Variants in DNAJB14 observed in about 807,000 individuals in gnomAD.
DNAJB14 encodes the protein DnaJ heat shock protein family (Hsp40) member B14, also known as dnaJ homolog subfamily B member 14.
In DNAJB14, 22 loss-of-function variants were observed where a neutral mutation model predicts 48.4. The ratio of observed to expected loss-of-function variants is 0.45; its 90% confidence interval spans 0.32 to 0.65. The LOEUF is 0.65. Among genes scored for constraint, DNAJB14 ranks in the 30% least tolerant of loss-of-function variants. The pLI, the probability that DNAJB14 is intolerant of heterozygous loss-of-function variation, is 0.03. For synonymous variants in DNAJB14, 142 were observed against 158.7 expected, an observed-to-expected ratio of 0.89 and a Z score of 0.79; for missense variants, 319 against 458.8, an observed-to-expected ratio of 0.70 and a Z score of 2.78.
At chr4:99,929,602 A>T (rs1726386557) in intron 2 of DNAJB14, 2 of 152,230 alleles carry the variant, frequency 1.3e-5, no homozygotes, top group African/African-American at 4.8e-5. Context: ...TAAAAAGTTG[A>T]GAATGGGGTA....
intron 5 of DNAJB14, chr4:99,905,985 C>A (rs956232332): frequency 1.9e-5 from 25 of 1,291,106 alleles, no homozygotes; most frequent in East Asian, 1.2e-4. Context: ...CTCCCTCCCC[C>A]CCACACACAG....
rs1725197137 is a variant in DNAJB14 at position 99,898,533 on chromosome 4, TC to T, written c.*2494del. On this transcript the variant is annotated 3_prime_UTR_variant, in exon 8 of 8. Coordinates refer to ENST00000442697, the MANE Select transcript of DNAJB14 (RefSeq NM_001031723.4). ...GAGGAGAAAGGTACTATTTTTCATTTCCCCCAAACCCTCACAAGGACAATAA... is the reference window on the plus strand; with the variant it reads ...GAGGAGAAAGGTACTATTTTTCATTTCCCCAAACCCTCACAAGGACAATAA... The T allele has an allele frequency of 6.6e-6, 1 of 151,812 alleles. No homozygotes were observed. 9.4% of individuals were successfully genotyped at this position (151,812 alleles called of 1,614,324 possible). A position where few individuals can be genotyped will look rare whatever the true frequency, so the allele number is the denominator to read the frequency against.
chr4:99,901,752 CA>C (rs1212087230), intron 7 of DNAJB14, among the ~76,000 whole-genome samples: 1 of 152,060 alleles, frequency 6.6e-6, no homozygotes, highest in Non-Finnish European at 1.5e-5. Context: ...ATACAGACTA[CA>C]AATCAAAATT....
intron 2 of DNAJB14, chr4:99,925,440 T>C (rs1250863675): frequency 1.3e-5 from 2 of 152,122 alleles, no homozygotes; most frequent in African/African-American, 4.8e-5. Context: ...ACATAAAGAA[T>C]TGTAGAATTT....
In DNAJB14 at chr4:99,896,461, G is replaced by A. The variant is rs1725150044; in HGVS notation, c.*4567C>T. On this transcript the variant is annotated 3_prime_UTR_variant, in exon 8 of 8. Coordinates refer to ENST00000442697, the MANE Select transcript of DNAJB14 (RefSeq NM_001031723.4). ...AATTTTTAATCCTGAATGCATTATAGACAAAGTAAGCTCTCCTTTACCAAT... is the reference window on the plus strand; with the variant it reads ...AATTTTTAATCCTGAATGCATTATAAACAAAGTAAGCTCTCCTTTACCAAT... 1 of 152,078 alleles carries A rather than the reference G, an allele frequency of 6.6e-6. No individual in the cohort carries two copies. The highest frequency in any genetic ancestry group is 2.4e-5 in the African/African-American group (1 of 41,420). The allele number at this position is 152,078 out of a possible 1,614,324, so 9.4% of individuals were successfully genotyped here.
At chr4:99,903,019 A>G (rs1227340711) in intron 7 of DNAJB14, among the ~76,000 whole-genome samples, 4 of 152,148 alleles carry the variant, frequency 2.6e-5, no homozygotes, top group Non-Finnish European at 4.4e-5. Context: ...CGTCAGCTAA[A>G]AATTTCAGAG....
intron 7 of DNAJB14, among the ~76,000 whole-genome samples, chr4:99,901,947 A>G (rs1725307925): frequency 1.3e-5 from 2 of 152,144 alleles, no homozygotes; most frequent in South Asian, 4.1e-4. Flanking sequence ...CACATTCAAG[A>G]TATACTCACA....
chr4:99,933,241 T>C (rs1018035401), intron 1 of DNAJB14, among the ~76,000 whole-genome samples: 7 of 150,734 alleles, frequency 4.6e-5, no homozygotes, highest in Admixed American at 4.0e-4. Flanking sequence ...TGTATATATA[T>C]ACACACACTC....
chr4:99,913,621 GTTT>G (rs372025043), intron 3 of DNAJB14, among the ~76,000 whole-genome samples: 1 of 107,618 alleles, frequency 9.3e-6, no homozygotes. Flanking sequence ...CTGGTCTGTA[GTTT>G]TTTTTTTTTT....
In DNAJB14 at chr4:99,899,500, C is replaced by T. The variant is rs1456114391; in HGVS notation, c.*1528G>A. ...AGTTTAACCTACTAATTCAATCAGG[C>T]ATTTCTATTGATTCACCTGGAAAAG... is the stretch of plus-strand genomic sequence containing the variant. On this transcript the variant is annotated 3_prime_UTR_variant, in exon 8 of 8. Transcript: ENST00000442697. 1.3e-5 allele frequency: 2 copies of T among 151,558 alleles called. No homozygotes were observed. Among genetic ancestry groups the T allele is most frequent in the Non-Finnish European group, 3.0e-5 (2 of 67,602 alleles). 9.4% of individuals were successfully genotyped at this position (151,558 alleles called of 1,614,324 possible). A position where few individuals can be genotyped will look rare whatever the true frequency, so the allele number is the denominator to read the frequency against.
intron 6 of DNAJB14, 24 bp downstream of exon 6, chr4:99,905,573 G>T (rs1170414614): frequency 6.4e-7 from 1 of 1,568,164 alleles, no homozygotes; most frequent in Admixed American, 1.7e-5. Flanking sequence ...TTCATTTTTT[G>T]TAAAACTTCA....
rs538149815 is a variant in DNAJB14, at chr4:99,900,933, G to C, written c.*95C>G. 1.5e-6 allele frequency: 2 copies of C among 1,359,994 alleles called. No individual in the cohort carries two copies. 84.2% of individuals were successfully genotyped at this position (1,359,994 alleles called of 1,614,324 possible). On this transcript the variant is annotated 3_prime_UTR_variant, in exon 8 of 8. Coordinates refer to ENST00000442697, the MANE Select transcript of DNAJB14 (RefSeq NM_001031723.4). ...AACCAACTATTCAGTTTAGTTTTCA[G>C]TATCAAATCTTTTCCTTCATCCCTC...
At chr4:99,916,406 A>G (rs534633625) in intron 3 of DNAJB14, among the ~76,000 whole-genome samples, 1 of 152,320 alleles carries the variant, frequency 6.6e-6, no homozygotes, top group East Asian at 1.9e-4. Flanking sequence ...CCAAAGTGCT[A>G]GGAATATATA....
In DNAJB14 at chr4:99,897,441, A is replaced by G. The variant is rs1725172470; in HGVS notation, c.*3587T>C. On this transcript the variant is annotated 3_prime_UTR_variant, in exon 8 of 8. Coordinates refer to ENST00000442697, the MANE Select transcript of DNAJB14 (RefSeq NM_001031723.4). Reference sequence around the variant, plus strand: ...ATTTATATGAAAGTATCTATTTAATAGTAATAAAACCAAAAAGGAAGCTGA... The same window carrying G: ...ATTTATATGAAAGTATCTATTTAATGGTAATAAAACCAAAAAGGAAGCTGA... The G allele has an allele frequency of 6.6e-6, 1 of 151,890 alleles. No individual in the cohort carries two copies. Among genetic ancestry groups the G allele is most frequent in the Non-Finnish European group, 1.5e-5 (1 of 67,834 alleles). The allele number at this position is 151,890 out of a possible 1,614,324, so 9.4% of individuals were successfully genotyped here. A position where few individuals can be genotyped will look rare whatever the true frequency, so the allele number is the denominator to read the frequency against.
At chr4:99,912,156 TG>T (rs767821088) in intron 3 of DNAJB14, among the ~76,000 whole-genome samples, 2 of 152,214 alleles carry the variant, frequency 1.3e-5, no homozygotes, top group Non-Finnish European at 2.9e-5. Context: ...GAACTGCTTT[TG>T]CATCTTTGTC....
chr4:99,935,889 G>A (rs576955681), intron 1 of DNAJB14, among the ~76,000 whole-genome samples: 2 of 152,176 alleles, frequency 1.3e-5, no homozygotes, highest in East Asian at 3.9e-4. Context: ...CCAACATGGT[G>A]AAACCTCGTC....
intron 6 of DNAJB14, among the ~76,000 whole-genome samples, chr4:99,904,287 T>C (rs999799079): frequency 6.6e-6 from 1 of 152,186 alleles, no homozygotes; most frequent in Non-Finnish European, 1.5e-5. Context: ...TGTTAAATAC[T>C]TATATGTGAA....
At position 99,943,517 on chromosome 4, in the gene DNAJB14, C is replaced by T. The variant is rs1453434899; in HGVS notation, c.133+2922G>A. ...TCACACTTGTAAAATGGGGATGACA[C>T]CAAAATTAATTGAGTGCTTACTGTT... On this transcript the variant is annotated intron_variant, in intron 1 of 7. Coordinates refer to ENST00000442697, the MANE Select transcript of DNAJB14 (RefSeq NM_001031723.4). 1.2e-4 allele frequency among the ~76,000 whole-genome samples: 18 copies of T among 152,132 alleles called. 1 individual carries two copies. The highest frequency in any genetic ancestry group is 1.2e-3 in the Admixed American group (18 of 15,270).
At chr4:99,912,560 A>T (rs2110199547) in intron 3 of DNAJB14, among the ~76,000 whole-genome samples, 1 of 151,804 alleles carries the variant, frequency 6.6e-6, no homozygotes, top group Non-Finnish European at 1.5e-5. Context: ...GCTCATTGCA[A>T]CCTCCACCTC....
Sources: allele counts gnomAD v4.1 joint callset (sites outside exome capture counted in the v4.1 genomes callset), GRCh38; gene constraint gnomAD v4.1.1; transcripts MANE v1.5; gene names NCBI Gene and HGNC (gene_info 2026-07-23, HGNC 2026-07-21).